Variants in MEF2A observed in about 807,000 individuals in gnomAD.
MEF2A encodes the protein myocyte enhancer factor 2A.
In MEF2A, 28 loss-of-function variants were observed where a neutral mutation model predicts 55.8. The ratio of observed to expected loss-of-function variants is 0.50; its 90% CI spans 0.37 to 0.69. The LOEUF is 0.69. MEF2A is among the 30% of genes least tolerant of loss of function. The pLI is 0.00. For missense variants in MEF2A, 528 were observed against 626.2 expected (o/e 0.84, Z 1.67); for synonymous variants, 239 against 227.1 (o/e 1.05, Z -0.47).
chr15:99,683,101 T>C (rs1428759781), intron 7 of MEF2A, among the ~76,000 whole-genome samples: 2 of 152,220 alleles, frequency 1.3e-5, no homozygotes, highest in African/African-American at 4.8e-5. Flanking sequence ...ATATGATCTC[T>C]ACTCGACAGG....
At chr15:99,689,095 A>G (rs185336540) in intron 7 of MEF2A, among the ~76,000 whole-genome samples, 12 of 152,354 alleles carry the variant, frequency 7.9e-5, no homozygotes, top group Admixed American at 7.8e-4. Context: ...TATTATATAC[A>G]TAGAGCATAT....
intron 8 of MEF2A, among the ~76,000 whole-genome samples, chr15:99,702,307 C>T (rs1228046548): frequency 2.6e-5 from 4 of 152,108 alleles, no homozygotes; most frequent in Non-Finnish European, 5.9e-5. Flanking sequence ...CTTACAATGA[C>T]ACTTTTCACA....
At chr15:99,576,507 G>A (rs1237407108) in intron 1 of MEF2A, among the ~76,000 whole-genome samples, 1 of 151,978 alleles carries the variant, frequency 6.6e-6, no homozygotes, top group African/African-American at 2.4e-5. Flanking sequence ...ACTTTCATAT[G>A]ATAATGAACT....
At chr15:99,600,085 C>T (rs969112574) in intron 2 of MEF2A, among the ~76,000 whole-genome samples, 67 of 152,060 alleles carry the variant, frequency 4.4e-4, no homozygotes, top group African/African-American at 1.6e-3. Context: ...AATTTCTCAC[C>T]TGTTTGTTTT....
chr15:99,628,740 T>TC (rs2042431275), intron 2 of MEF2A, among the ~76,000 whole-genome samples: 1 of 152,206 alleles, frequency 6.6e-6, no homozygotes, highest in South Asian at 2.1e-4. Context: ...ACATTTGAAA[T>TC]CCCACAAAGT....
chr15:99,581,527 C>T (rs11636728), intron 1 of MEF2A, among the ~76,000 whole-genome samples: 32,762 of 151,724 alleles, frequency 0.22, 4,156 homozygotes, highest in South Asian at 0.32. Flanking sequence ...ATTGACCTCC[C>T]GTGTTTTTCT....
intron 7 of MEF2A, among the ~76,000 whole-genome samples, chr15:99,687,798 C>G (rs954378534): frequency 7.2e-5 from 11 of 152,316 alleles, no homozygotes; most frequent in African/African-American, 2.6e-4. Context: ...CTCTTGCTAA[C>G]TAGATGAAAA....
intron 5 of MEF2A, 25 bp downstream of exon 5, chr15:99,671,479 C>T (rs747493719): frequency 1.2e-6 from 2 of 1,613,808 alleles, no homozygotes; most frequent in Non-Finnish European, 1.7e-6. Context: ...TTTACCTCTA[C>T]TTTTTATTTG....
At chr15:99,575,732 A>T (rs1046375509) in intron 1 of MEF2A, among the ~76,000 whole-genome samples, 1 of 152,176 alleles carries the variant, frequency 6.6e-6, no homozygotes, top group Non-Finnish European at 1.5e-5. Context: ...TACTACACAG[A>T]ATTGCAAAAT....
chr15:99,586,011 G>GT (rs1158138239), intron 1 of MEF2A, among the ~76,000 whole-genome samples: 2 of 151,962 alleles, frequency 1.3e-5, no homozygotes, highest in Non-Finnish European at 2.9e-5. Flanking sequence ...ATCTGTGTTT[G>GT]TATCTGTCAG....
At chr15:99,655,450 C>T (rs1303541209) in intron 4 of MEF2A, among the ~76,000 whole-genome samples, 1 of 151,880 alleles carries the variant, frequency 6.6e-6, no homozygotes, top group East Asian at 1.9e-4. Flanking sequence ...TCTTGAATAC[C>T]CAGCTGTGGT....
rs1199433031 is a variant in MEF2A at position 99,710,745 on chromosome 15, C to T, written c.1121C>T (p.Ala374Val). The change falls in exon 11 of 12, where the codon GCC becomes GTC. Residue 374 changes from alanine to valine, a missense_variant. Coordinates refer to ENST00000557942, the MANE Select transcript of MEF2A (RefSeq NM_001319206.4). ...AWQQHHLGQA[A>V]LSSLVAGGQL... is the part of the protein sequence containing the mutation. ...CAGCAGCACCACCTAGGACAAGCAG[C>T]CCTCAGCTCTCTTGTGTGAGTAACT... is the stretch of plus-strand genomic sequence containing the variant. 1.9e-6 allele frequency: 3 copies of T among 1,606,800 alleles called. No individual in the cohort carries two copies. The highest frequency in any genetic ancestry group is 2.6e-6 in the Non-Finnish European group (3 of 1,173,818).
intron 1 of MEF2A, among the ~76,000 whole-genome samples, chr15:99,582,722 C>T: frequency 6.6e-6 from 1 of 152,092 alleles, no homozygotes; most frequent in Admixed American, 6.5e-5. Context: ...AAAGTCATCT[C>T]TGTAGCTCTG....
rs1334803074 is a variant in MEF2A, at chr15:99,714,636, CACTT to C, written c.*1869_*1872del. ...ACTAATGGATGATAGCAAGTTCATC[CACTT>C]ACTGGGCTTGTGCCATGAGCAAAAT... is the stretch of plus-strand genomic sequence containing the variant. On this transcript the variant is annotated 3_prime_UTR_variant, in exon 12 of 12. Transcript: ENST00000557942. 1.3e-5 allele frequency: 2 copies of C among 152,090 alleles called. No individual in the cohort carries two copies. The highest frequency in any genetic ancestry group is 2.9e-5 in the Non-Finnish European group (2 of 68,016). 9.4% of individuals were successfully genotyped at this position (152,090 alleles called of 1,614,324 possible).
intron 1 of MEF2A, among the ~76,000 whole-genome samples, chr15:99,596,916 T>C (rs1195203792): frequency 6.6e-6 from 1 of 152,186 alleles, no homozygotes; most frequent in East Asian, 1.9e-4. Flanking sequence ...TTCATGGACA[T>C]TTGTTAGTTC....
chr15:99,609,335 C>T (rs1331637057), intron 2 of MEF2A, among the ~76,000 whole-genome samples: 1 of 152,138 alleles, frequency 6.6e-6, no homozygotes, highest in Non-Finnish European at 1.5e-5. Context: ...TGTATAATAA[C>T]CTAATTTAAT....
intron 8 of MEF2A, among the ~76,000 whole-genome samples, chr15:99,693,139 T>A (rs1393174743): frequency 6.6e-6 from 1 of 152,184 alleles, no homozygotes; most frequent in Non-Finnish European, 1.5e-5. Flanking sequence ...CAGCTTCTAA[T>A]GAAATTAACT....
chr15:99,649,016 T>C (rs953751290), intron 4 of MEF2A, among the ~76,000 whole-genome samples: 14 of 152,182 alleles, frequency 9.2e-5, no homozygotes, highest in African/African-American at 2.9e-4. Flanking sequence ...TAAACTTAAA[T>C]CCATCTATCT....
At chr15:99,565,555 C>T (rs912655057), upstream of MEF2A, 1 of 151,558 alleles carries the variant, frequency 6.6e-6, no homozygotes, top group Non-Finnish European at 1.5e-5. Context: ...GGGAGGCGCC[C>T]GGGCCCTCAT....
Sources: gnomAD v4.1 joint callset for allele counts (sites outside exome capture counted in the v4.1 genomes callset) on GRCh38, gnomAD v4.1.1 for gene constraint, MANE v1.5 for transcripts, NCBI Gene and HGNC (gene_info 2026-07-23, HGNC 2026-07-21) for gene names.